USP42: variants seen among roughly 807,000 people sequenced by gnomAD.
USP42 encodes the protein ubiquitin specific peptidase 42.
Under a neutral mutation model 113.0 loss-of-function variants are expected in USP42, and 23 were observed. The ratio of observed to expected loss-of-function variants is 0.20; its 90% CI spans 0.15 to 0.29. The LOEUF is 0.29. Ranked by LOEUF, USP42 falls within the 10% of genes least tolerant of loss-of-function variation. The pLI is 1.00. For missense variants in USP42, 2,174 were observed against 1,779.8 expected (o/e 1.22, Z -3.99); for synonymous variants, 933 against 699.0 (o/e 1.33, Z -5.28).
At chr7:6,123,832 CAAAAAAA>C (rs34032326) in intron 3 of USP42, among the ~76,000 whole-genome samples, 1 of 72,766 alleles carries the variant, frequency 1.4e-5, no homozygotes, top group African/African-American at 4.1e-5. Context: ...GACCCTGTCT[CAAAAAAA>C]AAAAAAAAAA....
intron 3 of USP42, among the ~76,000 whole-genome samples, chr7:6,117,255 A>G (rs918264677): frequency 6.6e-6 from 1 of 152,086 alleles, no homozygotes; most frequent in Non-Finnish European, 1.5e-5. Flanking sequence ...CTATAGATGA[A>G]TTAGTTTAGA....
intron 2 of USP42, among the ~76,000 whole-genome samples, chr7:6,114,024 G>A (rs867030857): frequency 2.2e-4 from 33 of 152,154 alleles, no homozygotes; most frequent in African/African-American, 8.0e-4. Context: ...TGTTTCTTGA[G>A]CTTCATCTTG....
chr7:6,128,320 T>A (rs1780654210), intron 3 of USP42: 1 of 150,692 alleles, frequency 6.6e-6, no homozygotes, highest in Non-Finnish European at 1.5e-5. Flanking sequence ...TGGAGTGCAG[T>A]GGTGCGATCA....
At chr7:6,150,650 T>C (rs577496769) in intron 14 of USP42, 144 bp downstream of exon 14, 1 of 813,000 alleles carries the variant, frequency 1.2e-6, no homozygotes, top group Non-Finnish European at 1.9e-6. Context: ...ATGTATAGGA[T>C]TTATTAACTT....
intron 11 of USP42, 62 bp downstream of exon 11, chr7:6,146,310 C>T: frequency 1.1e-6 from 1 of 940,000 alleles, no homozygotes; most frequent in Non-Finnish European, 1.6e-6. Flanking sequence ...GTCTTATCAA[C>T]ATGTTTGAAT....
rs766988742 is a variant in USP42 at position 6,155,144 on chromosome 7, A to G, written c.3590A>G (p.Lys1197Arg). 6.5e-7 allele frequency: 1 copy of G among 1,548,842 alleles called. No individual in the cohort carries two copies. Among genetic ancestry groups the G allele is most frequent in the South Asian group, 1.2e-5 (1 of 83,804 alleles). The change falls in exon 15 of 18, where the codon AAA becomes AGA. Residue 1197 changes from lysine to arginine, a missense_variant. Physicochemically the swap from Lys to Arg is conservative, Grantham distance 26. Transcript: ENST00000306177. Reference sequence around the variant, plus strand: ...GAGCCTAAAGCAAAGAAGCACAAAAAATCAAAGAAGAAAAAGAAATCCAAA... The same window carrying G: ...GAGCCTAAAGCAAAGAAGCACAAAAGATCAAAGAAGAAAAAGAAATCCAAA... Reference protein sequence around the residue: ...LEEPKAKKHKKSKKKKKSKDK... With the variant: ...LEEPKAKKHKRSKKKKKSKDK...
Position 6,139,317 on chromosome 7 carries a change from T to C in USP42, c.656+123T>C. On this transcript the variant is annotated intron_variant, in intron 5 of 17. Coordinates refer to ENST00000306177, the MANE Select transcript of USP42 (RefSeq NM_032172.3). The surrounding 1 kb of genome is among the most constrained non-coding windows in gnomAD (Gnocchi z 4.5). ...ACAGAACAGTGTTCACTTTACCTTT[T>C]GGCTTTGCTCTGCCTCTTCCTTAGG... 4.0e-6 allele frequency: 3 copies of C among 743,150 alleles called. No homozygotes were observed. The highest frequency in any genetic ancestry group is 6.2e-6 in the Non-Finnish European group (3 of 486,876). 46.0% of individuals were successfully genotyped at this position (743,150 alleles called of 1,614,324 possible).
chr7:6,119,188 C>T (rs1562810788), intron 3 of USP42, among the ~76,000 whole-genome samples: 1 of 152,096 alleles, frequency 6.6e-6, no homozygotes, highest in Non-Finnish European at 1.5e-5. Context: ...GTATTACAGC[C>T]TGAGTGATAG....
In USP42 at chr7:6,154,221, C is replaced by T. The variant is rs201991529; in HGVS notation, c.2667C>T (p.Ser889=). ...GGGACGCTCAGGACCCATCCCAGAG[C>T]TTGGGCGCACCCGAGGCCGCAGAGC... is the stretch of plus-strand genomic sequence containing the variant. ...HARDAQDPSQ[S]LGAPEAAERP... The change falls in exon 15 of 18, where the codon AGC becomes AGT. Residue 889 remains serine (S), a synonymous_variant. Coordinates refer to ENST00000306177, the MANE Select transcript of USP42 (RefSeq NM_032172.3). The T allele has an allele frequency of 5.6e-5, 90 of 1,607,024 alleles. No homozygotes were observed. In the African/African-American group the frequency reaches 9.3e-4, roughly 17 times the overall value.
intron 1 of USP42, among the ~76,000 whole-genome samples, chr7:6,109,976 C>G (rs1265550689): frequency 2.6e-5 from 4 of 151,894 alleles, no homozygotes; most frequent in Non-Finnish European, 4.4e-5. Flanking sequence ...GCTGGGATTA[C>G]AGGTGTGCAC....
intron 3 of USP42, among the ~76,000 whole-genome samples, chr7:6,120,763 T>C (rs557589448): frequency 3.9e-5 from 6 of 152,014 alleles, no homozygotes; most frequent in Non-Finnish European, 8.8e-5. Context: ...TTTGTATTTT[T>C]AGTAGAGATG....
chr7:6,146,902 G>C (rs537248622), intron 11 of USP42, among the ~76,000 whole-genome samples: 6 of 152,342 alleles, frequency 3.9e-5, no homozygotes, highest in African/African-American at 1.4e-4. Flanking sequence ...AGCACCTGGC[G>C]TGGTCACAGC....
In USP42 at chr7:6,111,137, A is replaced by G; in HGVS notation, c.4A>G (p.Thr2Ala). 1 of 1,611,426 alleles carries G rather than the reference A, an allele frequency of 6.2e-7. No individual in the cohort carries two copies. The highest frequency in any genetic ancestry group is 1.1e-5 in the South Asian group (1 of 90,912). Residue 2 changes from threonine (T) to alanine (A), a missense_variant, in exon 2 of 18, where the codon ACC becomes GCC. Coordinates refer to ENST00000306177, the MANE Select transcript of USP42 (RefSeq NM_032172.3). ...TCATCTTTTGCAGAGTTGAACAATG[A>G]CCATAGTTGACAAAGCTTCTGAATC... is the stretch of plus-strand genomic sequence containing the variant. The part of the protein sequence containing the change: M[T>A]IVDKASESSD...
Position 6,149,643 on chromosome 7 carries a change from A to C in USP42, c.1447A>C (p.Ser483Arg). 1 of 1,614,006 alleles carries C rather than the reference A, an allele frequency of 6.2e-7. No individual in the cohort carries two copies. Among genetic ancestry groups the C allele is most frequent in the Non-Finnish European group, 8.5e-7 (1 of 1,179,908 alleles). The change falls in exon 13 of 18, where the codon AGT (serine) becomes CGT (arginine). Residue 483 changes from serine to arginine, a missense_variant. Transcript: ENST00000306177. ...LKDTPSSSMS[S>R]PNGNSSVNRA... is the part of the protein sequence containing the mutation. ...AGACACGCCAAGCAGTTCCATGTCG[A>C]GTCCTAACGGGAATTCCAGTGTCAA...
Position 6,150,306 on chromosome 7 carries a change from A to G in USP42, c.2106+4A>G. On this transcript the variant is annotated splice_donor_region_variant and intron_variant, in intron 13 of 17. Transcript: ENST00000306177. ...GGCAAACGGTCTTCCTGGAAAGGTG[A>G]GTGCACGTCAGGGTCTTCAGCCTCG... The G allele has an allele frequency of 1.2e-6, 2 of 1,612,502 alleles. No individual in the cohort carries two copies. Among genetic ancestry groups the G allele is most frequent in the East Asian group, 4.5e-5 (2 of 44,868 alleles).
At chr7:6,156,462 AT>A (rs1443056794) in intron 15 of USP42, among the ~76,000 whole-genome samples, 13 of 151,856 alleles carry the variant, frequency 8.6e-5, no homozygotes, top group Non-Finnish European at 1.2e-4. Context: ...AACTTGTTAA[AT>A]TTTTGAGACA....
At position 6,154,640 on chromosome 7, in the gene USP42, A is replaced by C. The variant is rs191377682; in HGVS notation, c.3086A>C (p.Glu1029Ala). 5.7e-4 allele frequency: 922 copies of C among 1,604,678 alleles called. 5 individuals are homozygous for C. In the African/African-American group the frequency reaches 0.011, roughly 19 times the overall value. Reference sequence around the variant, plus strand: ...CACTCCCGACACCGGAGCGGGGTGGAGCTGGACTGGGTCAGACACCACTAC... The same window carrying C: ...CACTCCCGACACCGGAGCGGGGTGGCGCTGGACTGGGTCAGACACCACTAC... ...HHHSRHRSGV[E>A]LDWVRHHYTE... Residue 1029 changes from glutamate to alanine, a missense_variant, in exon 15 of 18, where the codon GAG (glutamate) becomes GCG (alanine). Transcript: ENST00000306177.
At chr7:6,119,630 C>T (rs1448848522) in intron 3 of USP42, among the ~76,000 whole-genome samples, 1 of 152,150 alleles carries the variant, frequency 6.6e-6, no homozygotes. Context: ...TGAATTGACA[C>T]CTAAACAGTA....
At chr7:6,108,432 A>G (rs1687073618) in intron 1 of USP42, among the ~76,000 whole-genome samples, 1 of 152,096 alleles carries the variant, frequency 6.6e-6, no homozygotes, top group Non-Finnish European at 1.5e-5. Flanking sequence ...GTACATGGGT[A>G]TTTTATTATC....
Sources: gnomAD v4.1 joint callset for allele counts (sites outside exome capture counted in the v4.1 genomes callset) on GRCh38, gnomAD v4.1.1 for gene constraint, Gnocchi (gnomAD v3.1) non-coding constraint, MANE v1.5 for transcripts, NCBI Gene and HGNC (gene_info 2026-07-23, HGNC 2026-07-21) for gene names.